The following RNF17 variants were observed in gnomAD, a reference collection of about 807,000 sequenced individuals.
The protein encoded by RNF17 is ring finger protein 17.
Under a neutral mutation model 200.5 loss-of-function variants are expected in RNF17, and 31 were observed. That is an observed-to-expected ratio of 0.15 (90% CI 0.12 to 0.21). The LOEUF (loss-of-function observed/expected upper bound fraction) is 0.21, where lower values mean the gene tolerates loss of function less well. Ranked by LOEUF, RNF17 falls within the 10% of genes least tolerant of loss-of-function variation. RNF17 has a pLI of 1.00. For synonymous variants in RNF17, 606 were observed against 637.8 expected, an observed-to-expected ratio of 0.95 and a Z score of 0.75; for missense variants, 1,628 against 1,905.1, an observed-to-expected ratio of 0.85 and a Z score of 2.71.
intron 3 of RNF17, among the ~76,000 whole-genome samples, chr13:24,777,379 T>C (rs985080839): frequency 1.1e-4 from 16 of 152,196 alleles, no homozygotes; most frequent in Non-Finnish European, 1.9e-4. Flanking sequence ...GATACAAAGA[T>C]AAAAATAGCT....
chr13:24,860,542 T>C (rs1040807368), intron 26 of RNF17, among the ~76,000 whole-genome samples: 20 of 152,304 alleles, frequency 1.3e-4, no homozygotes, highest in Admixed American at 1.2e-3. Flanking sequence ...TTTAATTCTA[T>C]TTTATTTTTT....
At chr13:24,875,206 G>A (rs550960461) in intron 33 of RNF17, among the ~76,000 whole-genome samples, 4 of 152,296 alleles carry the variant, frequency 2.6e-5, no homozygotes, top group Admixed American at 6.5e-5. Flanking sequence ...TAAGTGCAAC[G>A]TGAATTCTGC....
chr13:24,861,258 C>A lies in RNF17; in HGVS notation c.3775-10C>A. On this transcript the variant is annotated splice_polypyrimidine_tract_variant and intron_variant, in intron 26 of 35. Transcript: ENST00000255324. ...AATTTTAACTATAAATTGTATTTGTCGTGTTTCAGGTACAATATTTAGATC... is the reference window on the plus strand; with the variant it reads ...AATTTTAACTATAAATTGTATTTGTAGTGTTTCAGGTACAATATTTAGATC... The A allele has an allele frequency of 6.4e-7, 1 of 1,571,966 alleles. No individual in the cohort carries two copies. The highest frequency in any genetic ancestry group is 1.8e-5 in the Admixed American group (1 of 55,860).
At chr13:24,768,536 G>A (rs545865846) in intron 2 of RNF17, among the ~76,000 whole-genome samples, 2 of 152,070 alleles carry the variant, frequency 1.3e-5, no homozygotes, top group South Asian at 4.2e-4. Flanking sequence ...CGCCCACCTC[G>A]GCCTCCCAAA....
chr13:24,748,760 T>G, the RNF17 span, among the ~76,000 whole-genome samples: 22,655 of 150,806 alleles, frequency 0.15, 2,077 homozygotes, highest in Non-Finnish European at 0.2. Context: ...TTTGTTTTTT[T>G]TTTGAGACAG....
intron 18 of RNF17, among the ~76,000 whole-genome samples, chr13:24,836,925 A>G (rs1890060114): frequency 1.3e-5 from 2 of 152,208 alleles, no homozygotes; most frequent in Non-Finnish European, 2.9e-5. Flanking sequence ...TAAAAGATAC[A>G]GAACCTCAGA....
In RNF17 at chr13:24,830,748, A is replaced by G. The variant is rs192220867; in HGVS notation, c.2361+149A>G. ...ATAGATAAATGTTGCTGTGGTTACT[A>G]TTGAGGAAATAATATGTATATCATG... On this transcript the variant is annotated intron_variant, in intron 17 of 35. Transcript: ENST00000255324. 41 of 634,946 alleles carry G rather than the reference A, an allele frequency of 6.5e-5. No individual in the cohort carries two copies. The East Asian group carries it at 9.1e-4, about 14-fold the overall frequency. 39.3% of individuals were successfully genotyped at this position (634,946 alleles called of 1,614,324 possible). A position where few individuals can be genotyped will look rare whatever the true frequency, so the allele number is the denominator to read the frequency against.
chr13:24,841,977 A>C, intron 18 of RNF17, 64 bp from the exon 19 acceptor site: 1 of 1,461,040 alleles, frequency 6.8e-7, no homozygotes, highest in East Asian at 2.4e-5. Flanking sequence ...AAAAAAAAAA[A>C]TTGCCTCATT....
At position 24,790,208 on chromosome 13, in the gene RNF17, A is replaced by G. The variant is rs115219097; in HGVS notation, c.935+436A>G. ...AAAGATATTTTCTTTTCCCTTATCT[A>G]TTAAAATTAAGTAGCAAGTAGAAAG... On this transcript the variant is annotated intron_variant, in intron 9 of 35. Coordinates refer to ENST00000255324, the MANE Select transcript of RNF17 (RefSeq NM_031277.3). Among the ~76,000 whole-genome samples the G allele has an allele frequency of 9.6e-3, 1,459 of 152,236 alleles. 33 individuals are homozygous for G. Among genetic ancestry groups the G allele is most frequent in the African/African-American group, 0.032 (1,346 of 41,556 alleles).
Position 24,843,922 on chromosome 13 carries a change from C to A in RNF17, c.2782C>A (p.Pro928Thr). Residue 928 changes from proline (P) to threonine (T), a missense_variant, in exon 20 of 36, where the codon CCT becomes ACT. Physicochemically the swap from Pro to Thr is conservative, Grantham distance 38. This residue lies in a region of RNF17 where 227 missense variants were observed against 319.8 expected (regional missense o/e 0.71). Transcript: ENST00000255324. ...LPVHICNVIS[P>T]EKIYVQWLLT... ...TGTGCATATCTGTAATGTAATATCTCCTGAGAAGATTTATGTTCAGTGGTT... is the reference window on the plus strand; with the variant it reads ...TGTGCATATCTGTAATGTAATATCTACTGAGAAGATTTATGTTCAGTGGTT... 1.3e-6 allele frequency: 2 copies of A among 1,574,952 alleles called. 1 individual carries two copies. The highest frequency in any genetic ancestry group is 2.3e-5 in the South Asian group (2 of 86,210).
chr13:24,849,748 C>A (rs922961040), intron 22 of RNF17, among the ~76,000 whole-genome samples: 1 of 152,166 alleles, frequency 6.6e-6, no homozygotes, highest in African/African-American at 2.4e-5. Flanking sequence ...CCACATCTAT[C>A]AGATAATGTA....
chr13:24,850,415 C>T lies in RNF17; in HGVS notation c.3176C>T (p.Ala1059Val), dbSNP rs1891748705. 1 of 1,612,304 alleles carries T rather than the reference C, an allele frequency of 6.2e-7. No individual in the cohort carries two copies. ...CLSLYLTGAV[A>V]TIILQVDSEE... is the part of the protein sequence containing the mutation. ...TCATTGTACCTGACTGGAGCTGTAG[C>T]AACTATAATCTTACAGGTGGATAGT... Residue 1059 changes from alanine (A) to valine (V), a missense_variant, in exon 23 of 36, where the codon GCA (alanine) becomes GTA (valine). By Grantham distance (64) the Ala-to-Val change is moderately conservative (BLOSUM62 0). Around this residue, in one of 5 missense-constraint regions of RNF17, gnomAD observed 609 missense variants for 681.9 expected, o/e 0.89. Coordinates refer to ENST00000255324, the MANE Select transcript of RNF17 (RefSeq NM_031277.3).
intron 15 of RNF17, among the ~76,000 whole-genome samples, chr13:24,820,734 C>T (rs2137920024): frequency 6.6e-6 from 1 of 152,318 alleles, no homozygotes. Flanking sequence ...CCACGCCCAG[C>T]CTGGCCTCCA....
intron 6 of RNF17, among the ~76,000 whole-genome samples, chr13:24,786,171 C>G (rs1434049044): frequency 6.6e-6 from 1 of 151,828 alleles, no homozygotes; most frequent in African/African-American, 2.4e-5. Flanking sequence ...TTTCTCATTT[C>G]TTTTTGTGCA....
intron 26 of RNF17, among the ~76,000 whole-genome samples, chr13:24,860,881 C>CT (rs57385609): frequency 0.13 from 18,200 of 144,238 alleles, 1,213 homozygotes; most frequent in Admixed American, 0.15. Context: ...TTTCAGATGT[C>CT]TTTTTTTTTT....
intron 9 of RNF17, 140 bp downstream of exon 9, chr13:24,789,912 A>G (rs1172427342): frequency 1.6e-6 from 1 of 608,628 alleles, no homozygotes; most frequent in Non-Finnish European, 2.9e-6. Flanking sequence ...TAAATTCTAC[A>G]TATAATGTTT....
chr13:24,815,560 C>G (rs1016638735), intron 15 of RNF17, among the ~76,000 whole-genome samples: 1 of 151,206 alleles, frequency 6.6e-6, no homozygotes, highest in Non-Finnish European at 1.5e-5. Flanking sequence ...ATTTGGATGC[C>G]TTTTGTCTTT....
chr13:24,853,589 GC>G (rs758416032), intron 24 of RNF17, among the ~76,000 whole-genome samples: 22 of 152,046 alleles, frequency 1.4e-4, no homozygotes, highest in Non-Finnish European at 8.8e-5. Context: ...ATTGTACAAT[GC>G]TTGAGATATA....
intron 2 of RNF17, among the ~76,000 whole-genome samples, chr13:24,774,289 C>T (rs904924445): frequency 1.3e-5 from 2 of 152,074 alleles, no homozygotes; most frequent in African/African-American, 4.8e-5. Context: ...GCAACCTCCA[C>T]GCTCTGCCTC....
Sources: allele counts gnomAD v4.1 joint callset (sites outside exome capture counted in the v4.1 genomes callset), GRCh38; gene constraint gnomAD v4.1.1; regional missense constraint gnomAD v4.1.1; transcripts MANE v1.5; gene names NCBI Gene and HGNC (gene_info 2026-07-23, HGNC 2026-07-21).